CERS3: variants seen among roughly 807,000 people sequenced by gnomAD.
CERS3 encodes LAG1 homolog, ceramide synthase 3.
A neutral mutation model predicts 50.3 loss-of-function variants in CERS3; 33 were observed. That is an observed-to-expected ratio of 0.66 (90% CI 0.50 to 0.88). The LOEUF (loss-of-function observed/expected upper bound fraction) is 0.88. CERS3 is among the 40% of genes least tolerant of loss of function. The probability of loss-of-function intolerance (pLI) is 0.00; values close to 1 mark genes in which losing one functional copy is unlikely to be tolerated. For synonymous variants in CERS3, 176 were observed against 155.2 expected, an observed-to-expected ratio of 1.13 and a Z score of -0.99; for missense variants, 470 against 460.3, an observed-to-expected ratio of 1.02 and a Z score of -0.19.
intron 11 of CERS3, among the ~76,000 whole-genome samples, chr15:100,439,272 C>CA (rs2033569637): frequency 6.6e-6 from 1 of 152,094 alleles, no homozygotes. Context: ...TGACTATTAC[C>CA]AAAAATGCTA....
At chr15:100,543,533 CT>C (rs61663663) in intron 1 of CERS3, among the ~76,000 whole-genome samples, 9,136 of 139,624 alleles carry the variant, frequency 0.065, 257 homozygotes, top group Admixed American at 0.095. Flanking sequence ...TCCTTTCTTT[CT>C]TTTTTTTTTT....
chr15:100,519,745 G>A (rs1382791771), intron 2 of CERS3, among the ~76,000 whole-genome samples: 1 of 152,166 alleles, frequency 6.6e-6, no homozygotes, highest in Non-Finnish European at 1.5e-5. Context: ...CTGCTAGGTC[G>A]ATGTTTATGG....
intron 2 of CERS3, among the ~76,000 whole-genome samples, chr15:100,506,461 A>ACCACCC (rs1555533152): frequency 3.3e-5 from 1 of 30,410 alleles, no homozygotes; most frequent in African/African-American, 9.7e-5. Context: ...AGAAATCGGG[A>ACCACCC]CCCCCCCGCC....
chr15:100,527,685 C>G lies in CERS3; in HGVS notation c.-92+1128G>C, dbSNP rs147368929. Among the ~76,000 whole-genome samples, 393 of 152,246 alleles carry G rather than the reference C, an allele frequency of 2.6e-3. 4 individuals are homozygous for G. Among genetic ancestry groups the G allele is most frequent in the African/African-American group, 8.9e-3 (370 of 41,544 alleles). On this transcript the variant is annotated intron_variant, in intron 1 of 11. Coordinates refer to ENST00000679737, the MANE Select transcript of CERS3 (RefSeq NM_001378789.1). ...GCCTCAATTCCTCGTCTGAAAGTGG[C>G]GTATCATGAGCCCTAAAGGGGAAAA...
chr15:100,513,615 G>A (rs1416108567), intron 2 of CERS3, among the ~76,000 whole-genome samples: 1 of 149,054 alleles, frequency 6.7e-6, no homozygotes, highest in African/African-American at 2.5e-5. Context: ...ATGGCTCACT[G>A]AAGCCTTGAC....
intron 11 of CERS3, among the ~76,000 whole-genome samples, chr15:100,427,277 T>C (rs2032869353): frequency 6.6e-6 from 1 of 152,292 alleles, no homozygotes; most frequent in Non-Finnish European, 1.5e-5. Flanking sequence ...AGTGCTATTG[T>C]TGGCAAGAAT....
At position 100,491,570 on chromosome 15, in the gene CERS3, T is replaced by C. The variant is rs142224220; in HGVS notation, c.174-639A>G. On this transcript the variant is annotated intron_variant, in intron 3 of 11. Transcript: ENST00000679737. Reference sequence around the variant, plus strand: ...GTAGTGGTTTTTGTTGATTTTCCACTATAATCTTTATTATTTCCTATCTTC... The same window carrying C: ...GTAGTGGTTTTTGTTGATTTTCCACCATAATCTTTATTATTTCCTATCTTC... 1.3e-3 allele frequency among the ~76,000 whole-genome samples: 200 copies of C among 152,304 alleles called. 2 individuals carry two copies. Among genetic ancestry groups the C allele is most frequent in the African/African-American group, 4.0e-3 (165 of 41,560 alleles).
chr15:100,526,478 C>CTCTGTGTGTGTG (rs1555536155), intron 1 of CERS3, among the ~76,000 whole-genome samples: 2 of 131,554 alleles, frequency 1.5e-5, no homozygotes, highest in South Asian at 5.6e-4. Context: ...CCTACATAAA[C>CTCTGTGTGTGTG]TGTGTGTGTG....
At chr15:100,418,470 G>C (rs1230003232) in intron 11 of CERS3, among the ~76,000 whole-genome samples, 3 of 149,232 alleles carry the variant, frequency 2.0e-5, no homozygotes, top group East Asian at 2.0e-4. Flanking sequence ...GTACCTGAAA[G>C]TGATGGGGAA....
chr15:100,462,637 T>A (rs1188240118), intron 10 of CERS3, among the ~76,000 whole-genome samples: 1 of 152,224 alleles, frequency 6.6e-6, no homozygotes, highest in Non-Finnish European at 1.5e-5. Flanking sequence ...GTTTCAAATA[T>A]CCTGTTTCTA....
At chr15:100,498,019 G>C (rs1412132979) in intron 3 of CERS3, among the ~76,000 whole-genome samples, 1 of 151,212 alleles carries the variant, frequency 6.6e-6, no homozygotes, top group Non-Finnish European at 1.5e-5. Flanking sequence ...TCAGCCTCAC[G>C]AAGAGCTGGG....
At chr15:100,506,693 A>G (rs2036194033) in intron 2 of CERS3, among the ~76,000 whole-genome samples, 1 of 152,252 alleles carries the variant, frequency 6.6e-6, no homozygotes, top group Non-Finnish European at 1.5e-5. Flanking sequence ...AGAAGGCCAC[A>G]TATTGTATGA....
At chr15:100,483,655 C>G (rs1290604179) in intron 5 of CERS3, among the ~76,000 whole-genome samples, 4 of 151,826 alleles carry the variant, frequency 2.6e-5, no homozygotes, top group African/African-American at 9.7e-5. Flanking sequence ...AATGCAACAG[C>G]CATTCAAACA....
intron 11 of CERS3, among the ~76,000 whole-genome samples, chr15:100,416,026 T>A (rs989166374): frequency 6.6e-6 from 1 of 152,108 alleles, no homozygotes; most frequent in Non-Finnish European, 1.5e-5. Flanking sequence ...TATTCATGGA[T>A]AGGAAAAGTC....
rs1282949542 is a variant in CERS3 at position 100,483,783 on chromosome 15, TA to T, written c.407+766del. 5.9e-3 allele frequency among the ~76,000 whole-genome samples: 467 copies of T among 78,572 alleles called. 2 individuals are homozygous for T. The highest frequency in any genetic ancestry group is 0.012 in the East Asian group (32 of 2,694). 51.5% of individuals were successfully genotyped at this position (78,572 alleles called of 152,430 possible). On this transcript the variant is annotated intron_variant, in intron 5 of 11. Transcript: ENST00000679737. ...GATCAATAATAATAATAATTATTAT[TA>T]TTATTTTTTTTTTTGAGACAGAGTC...
In CERS3 at chr15:100,491,019, C is replaced by G. The variant is rs548830322; in HGVS notation, c.174-88G>C. ...AAATTAAAGCTGTAACTTCAGGTTT[C>G]TAATGAAATCAGTCATTTGTTTATG... On this transcript the variant is annotated intron_variant, in intron 3 of 11. Transcript: ENST00000679737. 10 of 774,184 alleles carry G rather than the reference C, an allele frequency of 1.3e-5. No individual in the cohort carries two copies. The Admixed American group carries it at 1.9e-4, about 15-fold the overall frequency. The allele number at this position is 774,184 out of a possible 1,614,324, so 48.0% of individuals were successfully genotyped here. A position where few individuals can be genotyped will look rare whatever the true frequency, so the allele number is the denominator to read the frequency against.
chr15:100,437,150 T>G (rs1017175929), intron 11 of CERS3, among the ~76,000 whole-genome samples: 1 of 152,090 alleles, frequency 6.6e-6, no homozygotes, highest in Admixed American at 6.5e-5. Flanking sequence ...TTTCACCGTG[T>G]TAGCCAGGAT....
intron 10 of CERS3, among the ~76,000 whole-genome samples, chr15:100,466,832 C>T (rs377080535): frequency 0.029 from 540 of 18,750 alleles, 37 homozygotes; most frequent in South Asian, 0.082. Context: ...TCCCTCTCTC[C>T]CTCTCTCCCT....
intron 11 of CERS3, among the ~76,000 whole-genome samples, chr15:100,452,344 C>T (rs1309092910): frequency 6.6e-5 from 10 of 152,014 alleles, no homozygotes; most frequent in Admixed American, 6.6e-4. Context: ...TGTATGAATA[C>T]ATGGAAATTA....
Sources: allele counts gnomAD v4.1 joint callset (sites outside exome capture counted in the v4.1 genomes callset), GRCh38; gene constraint gnomAD v4.1.1; transcripts MANE v1.5; gene names NCBI Gene and HGNC (gene_info 2026-07-23, HGNC 2026-07-21).